Variants in CFAP206 observed in about 807,000 individuals in gnomAD.
CFAP206 encodes the protein cilia and flagella associated protein 206, also known as cilia- and flagella-associated protein 206.
In CFAP206, 53 loss-of-function variants were observed where a neutral mutation model predicts 65.4. That is an observed-to-expected ratio of 0.81 (90% CI 0.65 to 1.02). The LOEUF is 1.02. Ranked by LOEUF, CFAP206 falls within the 50% of genes least tolerant of loss-of-function variation. The pLI is 0.00. For synonymous variants in CFAP206, 250 were observed against 254.4 expected, an observed-to-expected ratio of 0.98 and a Z score of 0.17; for missense variants, 663 against 753.2, an observed-to-expected ratio of 0.88 and a Z score of 1.40.
At position 87,435,042 on chromosome 6, in the gene CFAP206, C is replaced by A; in HGVS notation, c.1483C>A (p.Pro495Thr). ...TCATCAACAGTTTGAAACATTTATT[C>A]CATATTCTCAGGTAAGCAGGGTCAA... ...ELHQQFETFI[P>T]YSQMRDADKH... Residue 495 changes from proline to threonine, a missense_variant, in exon 11 of 13, where the codon CCA becomes ACA. Transcript: ENST00000369562. The A allele has an allele frequency of 1.3e-6, 2 of 1,590,818 alleles. No homozygotes were observed. The highest frequency in any genetic ancestry group is 2.3e-5 in the South Asian group (2 of 86,398).
chr6:87,410,033 G>A, intron 2 of CFAP206, 86 bp downstream of exon 2: 1 of 889,328 alleles, frequency 1.1e-6, no homozygotes, highest in Non-Finnish European at 1.8e-6. Context: ...ATTCTGTGAG[G>A]CTTTCATAAA....
intron 7 of CFAP206, 60 bp downstream of exon 7, chr6:87,418,476 C>A: frequency 1.4e-6 from 2 of 1,413,860 alleles, no homozygotes; most frequent in Non-Finnish European, 2.0e-6. Flanking sequence ...TATATAAGGC[C>A]ACATCAGGTA....
At chr6:87,450,703 G>A (rs1768527712) in intron 11 of CFAP206, among the ~76,000 whole-genome samples, 1 of 151,884 alleles carries the variant, frequency 6.6e-6, no homozygotes, top group Non-Finnish European at 1.5e-5. Context: ...ATCTACACAA[G>A]AAAGTACCTT....
At chr6:87,410,489 G>T (rs1767715931) in intron 2 of CFAP206, 96 bp from the exon 3 acceptor site, 3 of 935,996 alleles carry the variant, frequency 3.2e-6, no homozygotes, top group East Asian at 5.0e-5. Flanking sequence ...AGAGGTAGTT[G>T]TTTAAAAAAT....
intron 11 of CFAP206, among the ~76,000 whole-genome samples, chr6:87,446,716 T>A (rs1768446661): frequency 6.6e-6 from 1 of 152,188 alleles, no homozygotes; most frequent in Admixed American, 6.5e-5. Context: ...AAGTAGTTTT[T>A]CTAATCTGTG....
intron 3 of CFAP206, 86 bp from the exon 4 acceptor site, chr6:87,413,724 C>T (rs1427057841): frequency 4.9e-6 from 4 of 815,932 alleles, no homozygotes; most frequent in Non-Finnish European, 5.8e-6. Context: ...CACTGCTTTT[C>T]CCTTTATTTT....
intron 11 of CFAP206, among the ~76,000 whole-genome samples, chr6:87,446,890 C>T (rs1031787448): frequency 6.6e-6 from 1 of 152,138 alleles, no homozygotes; most frequent in Non-Finnish European, 1.5e-5. Flanking sequence ...TTATAGTTCT[C>T]CTTGAAGAGG....
intron 11 of CFAP206, among the ~76,000 whole-genome samples, chr6:87,448,730 T>A (rs1225534866): frequency 6.6e-6 from 1 of 152,162 alleles, no homozygotes; most frequent in Admixed American, 6.5e-5. Flanking sequence ...ATCAACTTTT[T>A]TAGCTCCTAC....
chr6:87,423,681 A>G (rs913268980), intron 7 of CFAP206, among the ~76,000 whole-genome samples: 1 of 152,218 alleles, frequency 6.6e-6, no homozygotes, highest in African/African-American at 2.4e-5. Flanking sequence ...GACTTTAAAG[A>G]CTGCATTTTC....
At chr6:87,430,700 A>G (rs764170756) in intron 9 of CFAP206, among the ~76,000 whole-genome samples, 30 of 152,150 alleles carry the variant, frequency 2.0e-4, no homozygotes, top group Admixed American at 1.6e-3. Flanking sequence ...AGCACCACAC[A>G]CTTTCGGAAG....
intron 11 of CFAP206, chr6:87,445,096 T>A (rs1191229715): frequency 2.1e-6 from 1 of 473,216 alleles, no homozygotes; most frequent in Non-Finnish European, 4.2e-6. Context: ...TCACCATCAT[T>A]TAGGGCTTCA....
At chr6:87,426,679 G>A in intron 8 of CFAP206, 34 bp downstream of exon 8, 1 of 1,499,754 alleles carries the variant, frequency 6.7e-7, no homozygotes, top group Non-Finnish European at 8.9e-7. Context: ...ACCTTAAGGT[G>A]AATTTCCTTT....
chr6:87,430,707 G>A (rs1245843471), intron 9 of CFAP206, among the ~76,000 whole-genome samples: 1 of 152,132 alleles, frequency 6.6e-6, no homozygotes, highest in African/African-American at 2.4e-5. Flanking sequence ...CACACTTTCG[G>A]AAGTGCCCCA....
At chr6:87,447,525 C>G (rs1016790218) in intron 11 of CFAP206, among the ~76,000 whole-genome samples, 27 of 152,130 alleles carry the variant, frequency 1.8e-4, no homozygotes, top group Admixed American at 1.6e-3. Context: ...GGGGATGAAG[C>G]CGACTTGATC....
chr6:87,438,759 T>G (rs1449893898), intron 11 of CFAP206, among the ~76,000 whole-genome samples: 1 of 152,216 alleles, frequency 6.6e-6, no homozygotes, highest in Non-Finnish European at 1.5e-5. Context: ...AATTTATTTT[T>G]TACATTGAGA....
In CFAP206 at chr6:87,410,672, A is replaced by T. The variant is rs199584835; in HGVS notation, c.192+4A>T. 809 of 1,610,270 alleles carry T rather than the reference A, an allele frequency of 5.0e-4. 3 individuals carry two copies. Among genetic ancestry groups the T allele is most frequent in the African/African-American group, 2.7e-3 (203 of 74,926 alleles). On this transcript the variant is annotated splice_donor_region_variant and intron_variant, in intron 3 of 12. Transcript: ENST00000369562. ...TGATGTGCAGAATCTTGTTAAGGTG[A>T]TTACCCAACAGTCCTCAAATTTGCA... is the stretch of plus-strand genomic sequence containing the variant.
At position 87,459,734 on chromosome 6, in the gene CFAP206, C is replaced by T. The variant is rs1768709660; in HGVS notation, c.1495-1288C>T. 2.6e-5 allele frequency among the ~76,000 whole-genome samples: 4 copies of T among 152,308 alleles called. No homozygotes were observed. In the South Asian group the frequency reaches 6.2e-4, roughly 24 times the overall value. On this transcript the variant is annotated intron_variant, in intron 11 of 12. Coordinates refer to ENST00000369562, the MANE Select transcript of CFAP206 (RefSeq NM_001031743.3). Reference sequence around the variant, plus strand: ...AATTATTTGGTCTTGCTATCACTCACTTATAACTTACAGAGTTGTAAGATA... The same window carrying T: ...AATTATTTGGTCTTGCTATCACTCATTTATAACTTACAGAGTTGTAAGATA...
chr6:87,415,814 G>A lies in CFAP206; in HGVS notation c.412G>A (p.Val138Met). ...ESLYRKIISY[V>M]LLRSGLGSPT... is the part of the protein sequence containing the mutation. ...CCTCTACCGGAAGATTATCAGCTATGTGTTACTCCGCTCTGGCCTTGGATC... is the reference window on the plus strand; with the variant it reads ...CCTCTACCGGAAGATTATCAGCTATATGTTACTCCGCTCTGGCCTTGGATC... The change falls in exon 5 of 13, where the codon GTG (valine) becomes ATG (methionine). Residue 138 changes from valine to methionine, a missense_variant. Coordinates refer to ENST00000369562, the MANE Select transcript of CFAP206 (RefSeq NM_001031743.3). 6.2e-7 allele frequency: 1 copy of A among 1,613,026 alleles called. No individual in the cohort carries two copies. Among genetic ancestry groups the A allele is most frequent in the Non-Finnish European group, 8.5e-7 (1 of 1,179,470 alleles).
intron 5 of CFAP206, 99 bp from the exon 6 acceptor site, chr6:87,416,570 C>T: frequency 3.7e-6 from 4 of 1,073,152 alleles, no homozygotes; most frequent in Non-Finnish European, 5.2e-6. Flanking sequence ...ATAAGTAACT[C>T]AGACCCTTAA....
Sources: allele counts gnomAD v4.1 joint callset (sites outside exome capture counted in the v4.1 genomes callset), GRCh38; gene constraint gnomAD v4.1.1; transcripts MANE v1.5; gene names NCBI Gene and HGNC (gene_info 2026-07-23, HGNC 2026-07-21).